SLC6A3: variants seen among roughly 807,000 people sequenced by gnomAD.
SLC6A3 encodes sodium-dependent dopamine transporter.
SLC6A3 carries 19 observed loss-of-function variants against 70.4 expected under a neutral mutation model. That is an observed-to-expected ratio of 0.27 (90% CI 0.19 to 0.40). SLC6A3 has a LOEUF of 0.40. Among genes scored for constraint, SLC6A3 ranks in the 10% least tolerant of loss-of-function variants. The pLI is 1.00. For missense variants in SLC6A3, 613 were observed against 838.5 expected (o/e 0.73, Z 3.32); for synonymous variants, 368 against 356.6 (o/e 1.03, Z -0.36).
chr5:1,399,609 T>C (rs1755796823), intron 14 of SLC6A3, among the ~76,000 whole-genome samples: 1 of 152,194 alleles, frequency 6.6e-6, no homozygotes, highest in Non-Finnish European at 1.5e-5. Flanking sequence ...AGAGAGGCTC[T>C]GGTGGAGCAG....
At chr5:1,414,862 A>T in intron 7 of SLC6A3, 47 bp from the exon 8 acceptor site, 1 of 1,612,006 alleles carries the variant, frequency 6.2e-7, no homozygotes, top group Non-Finnish European at 8.5e-7. Flanking sequence ...GAGCTGCAGC[A>T]GCTGCAATTT....
intron 6 of SLC6A3, among the ~76,000 whole-genome samples, chr5:1,416,844 G>A (rs764231316): frequency 4.6e-5 from 7 of 151,782 alleles, no homozygotes; most frequent in Non-Finnish European, 8.8e-5. Flanking sequence ...GGAACAGCAC[G>A]GCCTCATCCA....
At chr5:1,441,584 G>A (rs552904054) in intron 2 of SLC6A3, 94 bp from the exon 3 acceptor site, 18 of 1,432,956 alleles carry the variant, frequency 1.3e-5, no homozygotes, top group East Asian at 1.2e-4. Context: ...AACCATCCAT[G>A]TCCTGGCCCG....
At chr5:1,414,057 C>T (rs544654311) in intron 8 of SLC6A3, among the ~76,000 whole-genome samples, 78 of 152,304 alleles carry the variant, frequency 5.1e-4, no homozygotes, top group African/African-American at 1.2e-3. Context: ...GCCTGGGGAG[C>T]GGGCAGGGAC....
At chr5:1,399,145 T>C (rs766371001) in intron 14 of SLC6A3, among the ~76,000 whole-genome samples, 15 of 152,292 alleles carry the variant, frequency 9.8e-5, no homozygotes, top group Admixed American at 2.6e-4. Flanking sequence ...TTGAGAACAA[T>C]GAAATTAATT....
At chr5:1,431,123 C>T (rs938542553) in intron 4 of SLC6A3, among the ~76,000 whole-genome samples, 2 of 152,236 alleles carry the variant, frequency 1.3e-5, no homozygotes, top group Non-Finnish European at 2.9e-5. Context: ...GTCAGAACGG[C>T]GACCCGGCAC....
chr5:1,403,418 C>G (rs1021448397), intron 12 of SLC6A3, among the ~76,000 whole-genome samples: 1 of 134,256 alleles, frequency 7.4e-6, no homozygotes, highest in East Asian at 2.4e-4. Flanking sequence ...CCCTCTCCTC[C>G]CTTCCCCTCC....
In SLC6A3 at chr5:1,394,613, G is replaced by A; in HGVS notation, c.*122C>T. On this transcript the variant is annotated 3_prime_UTR_variant, in exon 15 of 15. Coordinates refer to ENST00000270349, the MANE Select transcript of SLC6A3 (RefSeq NM_001044.5). The surrounding 1 kb of genome is among the most constrained non-coding windows in gnomAD (Gnocchi z 4.7). Reference sequence around the variant, plus strand: ...AGGAGTCTTCTGCTTTGTTGTTTGTGTTTTCAGTAGAGGTTGAAGAGTAGA... The same window carrying A: ...AGGAGTCTTCTGCTTTGTTGTTTGTATTTTCAGTAGAGGTTGAAGAGTAGA... 4.1e-6 allele frequency: 4 copies of A among 970,700 alleles called. No homozygotes were observed. Among genetic ancestry groups the A allele is most frequent in the Non-Finnish European group, 5.0e-6 (3 of 595,280 alleles). The allele number at this position is 970,700 out of a possible 1,614,324, so 60.1% of individuals were successfully genotyped here.
At chr5:1,409,181 C>T in intron 10 of SLC6A3, 56 bp from the exon 11 acceptor site, 1 of 1,256,566 alleles carries the variant, frequency 8.0e-7, no homozygotes, top group Non-Finnish European at 1.1e-6. Flanking sequence ...GAGGTAAACC[C>T]AGCCTGGGGA....
rs189779662 is a variant in SLC6A3, at chr5:1,405,134, A to T, written c.1599+1054T>A. Among the ~76,000 whole-genome samples, 13 of 152,352 alleles carry T rather than the reference A, an allele frequency of 8.5e-5. No individual in the cohort carries two copies. In the East Asian group the frequency reaches 2.3e-3, roughly 27 times the overall value. On this transcript the variant is annotated intron_variant, in intron 12 of 14. Coordinates refer to ENST00000270349, the MANE Select transcript of SLC6A3 (RefSeq NM_001044.5). This position sits in a 1 kb window ranked among gnomAD's most constrained non-coding sequence, Gnocchi z 5.3. ...CTTCAACGGGAGCCTTCACAAGCGCAGTTAACTGGACTTGGAACACTTACG... is the reference window on the plus strand; with the variant it reads ...CTTCAACGGGAGCCTTCACAAGCGCTGTTAACTGGACTTGGAACACTTACG...
rs773404230 is a variant in SLC6A3, at chr5:1,400,997, AAG to A, written c.1768-13_1768-12del. 6.9e-6 allele frequency: 11 copies of A among 1,587,764 alleles called. 1 individual carries two copies. The East Asian group carries it at 2.3e-4, about 33-fold the overall frequency. ...GGCGTAGGCCAGTTTCTGAAAGAGA[AAG>A]AGAGTGCAGGGGTCAGTGCAGACCA... On this transcript the variant is annotated splice_polypyrimidine_tract_variant and intron_variant, in intron 13 of 14. Transcript: ENST00000270349.
intron 8 of SLC6A3, among the ~76,000 whole-genome samples, chr5:1,414,334 G>A (rs1444373491): frequency 9.4e-6 from 1 of 105,972 alleles, no homozygotes. Context: ...AGCTGCATTT[G>A]GGCTTGAGGT....
chr5:1,418,951 T>C (rs1756372411), intron 6 of SLC6A3, among the ~76,000 whole-genome samples: 1 of 148,518 alleles, frequency 6.7e-6, no homozygotes, highest in South Asian at 2.2e-4. Flanking sequence ...CATCCATCCA[T>C]CCATCCATGC....
intron 6 of SLC6A3, among the ~76,000 whole-genome samples, chr5:1,416,817 G>A (rs982405450): frequency 7.9e-5 from 12 of 151,920 alleles, no homozygotes; most frequent in African/African-American, 2.9e-4. Context: ...CATGACCGCA[G>A]CGTCCTAATA....
Position 1,420,640 on chromosome 5 carries a change from T to C in SLC6A3, c.856A>G (p.Thr286Ala). 6.2e-7 allele frequency: 1 copy of C among 1,613,210 alleles called. No individual in the cohort carries two copies. Among genetic ancestry groups the C allele is most frequent in the South Asian group, 1.1e-5 (1 of 91,060 alleles). Residue 286 changes from threonine (T) to alanine (A), a missense_variant, in exon 6 of 15, where the codon ACC becomes GCC. By Grantham distance (58) the Thr-to-Ala change is moderately conservative. Transcript: ENST00000270349. Reference sequence around the variant, plus strand: ...ATGCCGTCTATGGCTCCAGGGAGGGTGACCCCACGCAGGAGCAGGGCAGTG... The same window carrying C: ...ATGCCGTCTATGGCTCCAGGGAGGGCGACCCCACGCAGGAGCAGGGCAGTG... ...VLTALLLRGVTLPGAIDGIRA... is the reference protein window; with the variant it reads ...VLTALLLRGVALPGAIDGIRA...
intron 4 of SLC6A3, among the ~76,000 whole-genome samples, chr5:1,431,180 C>T (rs1282352992): frequency 6.6e-6 from 1 of 152,226 alleles, no homozygotes; most frequent in Admixed American, 6.5e-5. Flanking sequence ...TGGATGGCAC[C>T]CGCCAGATCC....
chr5:1,397,645 C>T lies in SLC6A3; in HGVS notation c.1840-2887G>A, dbSNP rs1401803051. 6.6e-6 allele frequency among the ~76,000 whole-genome samples: 1 copy of T among 152,144 alleles called. No homozygotes were observed. The highest frequency in any genetic ancestry group is 1.5e-5 in the Non-Finnish European group (1 of 68,026). On this transcript the variant is annotated intron_variant, in intron 14 of 14. Transcript: ENST00000270349. This position sits in a 1 kb window ranked among gnomAD's most constrained non-coding sequence, Gnocchi z 4.7. The stretch of plus-strand genomic sequence containing the variant: ...AGAGATAGTCCCTGTCAGCCTAGAG[C>T]CCTGAGCCCACAACAGTGCTTTCGT...
intron 3 of SLC6A3, among the ~76,000 whole-genome samples, chr5:1,434,970 T>G (rs1756794931): frequency 6.6e-6 from 1 of 152,262 alleles, no homozygotes; most frequent in Non-Finnish European, 1.5e-5. Context: ...AAAGCCAAGC[T>G]GCTGCCTTTG....
In SLC6A3 at chr5:1,414,813, T is replaced by C. The variant is rs372318705; in HGVS notation, c.1034A>G (p.Asp345Gly). ...YNKFTNNCYR[D>G]AIVTTSINSL... The stretch of plus-strand genomic sequence containing the variant: ...GTTGATGGAGGTGGTGACAATCGCG[T>C]CCCTGTAAGAACAAGACACGCCGTC... The change falls in exon 8 of 15, where the codon GAC (aspartate) becomes GGC (glycine). Residue 345 changes from aspartate (D) to glycine (G), a missense_variant and splice_region_variant. Physicochemically the swap from Asp to Gly is moderately conservative, Grantham distance 94. Transcript: ENST00000270349. The C allele has an allele frequency of 6.2e-7, 1 of 1,612,794 alleles. No homozygotes were observed. Among genetic ancestry groups the C allele is most frequent in the Non-Finnish European group, 8.5e-7 (1 of 1,179,804 alleles).
Sources: allele counts gnomAD v4.1 joint callset (sites outside exome capture counted in the v4.1 genomes callset), GRCh38; gene constraint gnomAD v4.1.1; non-coding constraint Gnocchi (gnomAD v3.1); transcripts MANE v1.5; gene names NCBI Gene and HGNC (gene_info 2026-07-23, HGNC 2026-07-21).